GALNTL6: variants seen among roughly 807,000 people sequenced by gnomAD.
GALNTL6 encodes the protein polypeptide N-acetylgalactosaminyltransferase like 6.
A neutral mutation model predicts 73.7 loss-of-function variants in GALNTL6; 46 were observed. The observed-to-expected ratio is 0.62, with a 90% CI of 0.49 to 0.80. The LOEUF (loss-of-function observed/expected upper bound fraction) is 0.80, where lower values mean the gene tolerates loss of function less well. Among genes scored for constraint, GALNTL6 ranks in the 30% least tolerant of loss-of-function variants. The pLI, the probability that GALNTL6 is intolerant of heterozygous loss-of-function variation, is 0.00. For missense variants in GALNTL6, 604 were observed against 755.0 expected, an observed-to-expected ratio of 0.80 and a Z score of 2.34; for synonymous variants, 259 against 263.7, an observed-to-expected ratio of 0.98 and a Z score of 0.17.
At chr4:172,412,943 A>G (rs1744500333) in intron 5 of GALNTL6, among the ~76,000 whole-genome samples, 1 of 152,196 alleles carries the variant, frequency 6.6e-6, no homozygotes, top group Admixed American at 6.6e-5. Flanking sequence ...TTACAGCTCC[A>G]GAAATAGAGC....
chr4:172,736,222 C>A (rs1171606760), intron 5 of GALNTL6, among the ~76,000 whole-genome samples: 2 of 152,166 alleles, frequency 1.3e-5, no homozygotes, highest in African/African-American at 4.8e-5. Context: ...CTGCAGGTGA[C>A]CAGCGTGTAT....
intron 5 of GALNTL6, among the ~76,000 whole-genome samples, chr4:172,385,139 A>G (rs1025689992): frequency 6.0e-5 from 9 of 151,210 alleles, no homozygotes; most frequent in Admixed American, 2.0e-4. Context: ...TTTTGTTTCA[A>G]GAAGAGATGA....
chr4:172,267,206 A>G (rs1001766044), intron 3 of GALNTL6, among the ~76,000 whole-genome samples: 2 of 152,278 alleles, frequency 1.3e-5, no homozygotes, highest in Admixed American at 1.3e-4. Flanking sequence ...ATTGATGGTT[A>G]CAAATGCTAT....
chr4:172,572,186 G>A (rs1455130), intron 5 of GALNTL6, among the ~76,000 whole-genome samples: 9,718 of 151,990 alleles, frequency 0.064, 465 homozygotes, highest in East Asian at 0.22. Context: ...TCTATGATGC[G>A]GACTGCAGTC....
intron 5 of GALNTL6, among the ~76,000 whole-genome samples, chr4:172,676,488 TG>T (rs1732309078): frequency 6.6e-6 from 1 of 152,234 alleles, no homozygotes; most frequent in Non-Finnish European, 1.5e-5. Flanking sequence ...GCTACTCTCA[TG>T]GGTTTGCATT....
Position 173,009,280 on chromosome 4 carries a change from T to C in GALNTL6, c.1474T>C (p.Trp492Arg). 1 of 1,611,236 alleles carries C rather than the reference T, an allele frequency of 6.2e-7. No homozygotes were observed. The highest frequency in any genetic ancestry group is 8.5e-7 in the Non-Finnish European group (1 of 1,177,378). The part of the protein sequence containing the change: ...ICVKDGSERT[W>R]SHEQLFTFGW... ...TGTCAAGGATGGTTCTGAAAGAACA[T>C]GGTCTCATGAACAGGTGAGTCACCT... Residue 492 changes from tryptophan to arginine, a missense_variant, in exon 11 of 13, where the codon TGG becomes CGG. Transcript: ENST00000506823.
At chr4:172,736,260 A>C (rs1468208841) in intron 5 of GALNTL6, among the ~76,000 whole-genome samples, 2 of 152,210 alleles carry the variant, frequency 1.3e-5, no homozygotes, top group Admixed American at 6.5e-5. Flanking sequence ...ACTGCATAAG[A>C]CAGACACTCC....
rs193291386 is a variant in GALNTL6 at position 173,016,203 on chromosome 4, C to T, written c.1489-5273C>T. Among the ~76,000 whole-genome samples, 225 of 152,352 alleles carry T rather than the reference C, an allele frequency of 1.5e-3. 1 individual carries two copies. The highest frequency in any genetic ancestry group is 5.1e-3 in the African/African-American group (214 of 41,566). On this transcript the variant is annotated intron_variant, in intron 11 of 12. Coordinates refer to ENST00000506823, the MANE Select transcript of GALNTL6 (RefSeq NM_001034845.3). The stretch of plus-strand genomic sequence containing the variant: ...GTGGTGGGATCCTCTTGGAGAACCT[C>T]TGCTAGGGTAGTGCAGAAGGGAAAT...
intron 2 of GALNTL6, among the ~76,000 whole-genome samples, chr4:172,195,109 C>T (rs55877014): frequency 0.022 from 3,417 of 151,942 alleles, 44 homozygotes; most frequent in Non-Finnish European, 0.032. Flanking sequence ...GAAAATTTAC[C>T]AAGCAAATGG....
chr4:172,154,584 T>C (rs1734198849), intron 2 of GALNTL6, among the ~76,000 whole-genome samples: 1 of 152,182 alleles, frequency 6.6e-6, no homozygotes, highest in Non-Finnish European at 1.5e-5. Context: ...ACTTGCTCAT[T>C]TGTGAGGTGT....
intron 5 of GALNTL6, among the ~76,000 whole-genome samples, chr4:172,554,174 C>T (rs1736061944): frequency 6.6e-6 from 1 of 152,124 alleles, no homozygotes; most frequent in Non-Finnish European, 1.5e-5. Flanking sequence ...TTCTAACTGA[C>T]CCATGGATTC....
intron 5 of GALNTL6, among the ~76,000 whole-genome samples, chr4:172,441,967 T>A (rs1731852956): frequency 6.6e-6 from 1 of 152,206 alleles, no homozygotes; most frequent in Non-Finnish European, 1.5e-5. Context: ...TCCAGTCACA[T>A]TATCCAGCAT....
At chr4:172,261,230 G>T (rs1431470564) in intron 3 of GALNTL6, among the ~76,000 whole-genome samples, 1 of 151,280 alleles carries the variant, frequency 6.6e-6, no homozygotes, top group African/African-American at 2.4e-5. Flanking sequence ...AATCAATCTG[G>T]TCCTGGTTTT....
intron 3 of GALNTL6, among the ~76,000 whole-genome samples, chr4:172,268,283 G>A (rs548989661): frequency 2.0e-4 from 30 of 152,312 alleles, no homozygotes; most frequent in Non-Finnish European, 3.1e-4. Context: ...CATGCAGGAG[G>A]TTTATTATGG....
At chr4:172,430,403 G>A (rs1731400371) in intron 5 of GALNTL6, among the ~76,000 whole-genome samples, 1 of 151,996 alleles carries the variant, frequency 6.6e-6, no homozygotes, top group Non-Finnish European at 1.5e-5. Flanking sequence ...TCCCAAAATC[G>A]AATTATAGAA....
chr4:171,973,039 T>C (rs1739618331), intron 2 of GALNTL6, among the ~76,000 whole-genome samples: 1 of 152,198 alleles, frequency 6.6e-6, no homozygotes, highest in African/African-American at 2.4e-5. Context: ...TATTCTATTT[T>C]CATTGAATGC....
intron 2 of GALNTL6, among the ~76,000 whole-genome samples, chr4:172,076,335 A>C (rs1414336196): frequency 1.3e-5 from 2 of 152,224 alleles, no homozygotes; most frequent in Admixed American, 1.3e-4. Flanking sequence ...GCACATCAGG[A>C]GGGTAAAGAT....
At position 172,733,506 on chromosome 4, in the gene GALNTL6, T is replaced by A. The variant is rs528321764; in HGVS notation, c.554-75855T>A. On this transcript the variant is annotated intron_variant, in intron 5 of 12. Coordinates refer to ENST00000506823, the MANE Select transcript of GALNTL6 (RefSeq NM_001034845.3). ...TGGTTTGGCTGTGTCCCTGCCCAAA[T>A]CTCGTCTTGAATTGTAGCTCCCATA... Among the ~76,000 whole-genome samples the A allele has an allele frequency of 2.6e-4, 39 of 152,250 alleles. No individual in the cohort carries two copies. In the East Asian group the frequency reaches 6.9e-3, roughly 27 times the overall value.
At chr4:172,822,876 G>A (rs1382387757) in intron 7 of GALNTL6, among the ~76,000 whole-genome samples, 1 of 152,108 alleles carries the variant, frequency 6.6e-6, no homozygotes, top group African/African-American at 2.4e-5. Context: ...TCTAATGTGT[G>A]AGGGTAATTT....
Sources: allele counts gnomAD v4.1 joint callset (sites outside exome capture counted in the v4.1 genomes callset), GRCh38; gene constraint gnomAD v4.1.1; transcripts MANE v1.5; gene names NCBI Gene and HGNC (gene_info 2026-07-23, HGNC 2026-07-21).